Variants in BACE2 observed in about 807,000 individuals in gnomAD.
The protein encoded by BACE2 is beta-secretase 2, also known as 56 kDa aspartic-like protease.
In BACE2, 17 loss-of-function variants were observed where a neutral mutation model predicts 46.2. The observed-to-expected ratio is 0.37, with a 90% CI of 0.25 to 0.55. The LOEUF is 0.55. BACE2 is among the 20% of genes least tolerant of loss of function. The probability of loss-of-function intolerance (pLI) is 0.82; values close to 1 mark genes in which losing one functional copy is unlikely to be tolerated. For missense variants in BACE2, 595 were observed against 698.1 expected, an observed-to-expected ratio of 0.85 and a Z score of 1.66; for synonymous variants, 277 against 295.9, an observed-to-expected ratio of 0.94 and a Z score of 0.66.
At chr21:41,266,630 G>C (rs1988074607) in intron 8 of BACE2, among the ~76,000 whole-genome samples, 1 of 152,254 alleles carries the variant, frequency 6.6e-6, no homozygotes, top group Non-Finnish European at 1.5e-5. Flanking sequence ...TAGCCCCTGA[G>C]CTGAGCCAGG....
intron 8 of BACE2, among the ~76,000 whole-genome samples, chr21:41,270,733 T>C (rs1021980298): frequency 2.6e-5 from 4 of 152,236 alleles, no homozygotes; most frequent in Non-Finnish European, 5.9e-5. Context: ...GTCCAGAATA[T>C]AGTCTATCAC....
At chr21:41,194,881 C>T (rs1456868806) in intron 1 of BACE2, among the ~76,000 whole-genome samples, 1 of 152,194 alleles carries the variant, frequency 6.6e-6, no homozygotes, top group Non-Finnish European at 1.5e-5. Context: ...TGGCAGGACA[C>T]ATCTGAAAGT....
chr21:41,192,853 A>G (rs116404974), intron 1 of BACE2, among the ~76,000 whole-genome samples: 2,041 of 152,350 alleles, frequency 0.013, 47 homozygotes, highest in African/African-American at 0.047. Context: ...CGAAATCCAG[A>G]TAGGCATTGT....
rs375656084 is a variant in BACE2, at chr21:41,244,751, T to C, written c.883-1211T>C. The stretch of plus-strand genomic sequence containing the variant: ...TCTGAGAAACTAAAGATTATAAAAA[T>C]GATGGTCGCTTCTATTGCAAATCTG... On this transcript the variant is annotated intron_variant, in intron 5 of 8. Transcript: ENST00000330333. 3.3e-5 allele frequency among the ~76,000 whole-genome samples: 5 copies of C among 152,320 alleles called. No homozygotes were observed. The South Asian group carries it at 6.2e-4, about 19-fold the overall frequency.
intron 2 of BACE2, among the ~76,000 whole-genome samples, chr21:41,234,512 T>C (rs1048919978): frequency 1.3e-5 from 2 of 152,236 alleles, no homozygotes; most frequent in Non-Finnish European, 2.9e-5. Flanking sequence ...TGAGTAGTTA[T>C]CACAGAGATC....
At chr21:41,224,246 G>A (rs1391636461) in intron 1 of BACE2, among the ~76,000 whole-genome samples, 2 of 123,492 alleles carry the variant, frequency 1.6e-5, no homozygotes, top group East Asian at 2.2e-4. Flanking sequence ...ATGGAGTATC[G>A]TTCTGTCACC....
At chr21:41,212,957 T>G (rs1986345905) in intron 1 of BACE2, among the ~76,000 whole-genome samples, 1 of 152,232 alleles carries the variant, frequency 6.6e-6, no homozygotes, top group Admixed American at 6.5e-5. Flanking sequence ...AAATTAATTC[T>G]TTGCACACAT....
intron 8 of BACE2, among the ~76,000 whole-genome samples, chr21:41,264,003 A>G (rs1418233282): frequency 6.6e-6 from 1 of 152,074 alleles, no homozygotes; most frequent in Non-Finnish European, 1.5e-5. Flanking sequence ...CTCATTATTT[A>G]TTTCAGGTCC....
chr21:41,172,307 G>A (rs1601235243), intron 1 of BACE2, among the ~76,000 whole-genome samples: 2 of 152,208 alleles, frequency 1.3e-5, no homozygotes, highest in African/African-American at 4.8e-5. Context: ...AGGAGGGACA[G>A]GAGTCTGAGA....
At chr21:41,175,580 C>G (rs1467655319) in intron 1 of BACE2, 1 of 151,730 alleles carries the variant, frequency 6.6e-6, no homozygotes, top group Admixed American at 6.6e-5. Context: ...CAAACCCCCA[C>G]CAGACTGGTG....
intron 6 of BACE2, among the ~76,000 whole-genome samples, chr21:41,248,459 C>G (rs73366495): frequency 0.014 from 2,162 of 152,326 alleles, 41 homozygotes; most frequent in African/African-American, 0.049. Flanking sequence ...CATCTGAGCT[C>G]TGTACCCCGT....
At chr21:41,185,440 G>C (rs1249740107) in intron 1 of BACE2, among the ~76,000 whole-genome samples, 1 of 152,206 alleles carries the variant, frequency 6.6e-6, no homozygotes, top group Non-Finnish European at 1.5e-5. Flanking sequence ...ACCACTGTAG[G>C]TGGCTGACTG....
At chr21:41,262,186 G>C (rs1987955549) in intron 8 of BACE2, among the ~76,000 whole-genome samples, 2 of 152,190 alleles carry the variant, frequency 1.3e-5, no homozygotes, top group Non-Finnish European at 2.9e-5. Context: ...TTCTCTTGTA[G>C]AATGTATCAT....
chr21:41,247,973 G>A (rs1379273046), intron 6 of BACE2, among the ~76,000 whole-genome samples: 2 of 152,148 alleles, frequency 1.3e-5, no homozygotes, highest in African/African-American at 2.4e-5. Context: ...GGGAGGGCTG[G>A]CTTCAGAGAG....
chr21:41,224,468 C>T (rs1164949687), intron 1 of BACE2, among the ~76,000 whole-genome samples: 1 of 152,140 alleles, frequency 6.6e-6, no homozygotes, highest in Middle Eastern at 3.2e-3. Flanking sequence ...GGATTACAGG[C>T]GTGAGCCACT....
chr21:41,265,742 T>C (rs969630630), intron 8 of BACE2, among the ~76,000 whole-genome samples: 7 of 152,228 alleles, frequency 4.6e-5, no homozygotes, highest in East Asian at 3.8e-4. Context: ...TCTGTCTCAA[T>C]TGTACATTTT....
intron 1 of BACE2, among the ~76,000 whole-genome samples, chr21:41,169,706 A>G (rs1467743976): frequency 6.6e-6 from 1 of 152,230 alleles, no homozygotes; most frequent in Non-Finnish European, 1.5e-5. Context: ...ATTCTTTTAA[A>G]AAAGGAAACT....
At chr21:41,265,809 A>G (rs1442961858) in intron 8 of BACE2, among the ~76,000 whole-genome samples, 2 of 152,132 alleles carry the variant, frequency 1.3e-5, no homozygotes, top group East Asian at 3.9e-4. Context: ...GTATATTTAA[A>G]TAGTTTGATA....
intron 1 of BACE2, chr21:41,177,798 C>A (rs1285777065): frequency 6.6e-6 from 1 of 152,266 alleles, no homozygotes; most frequent in African/African-American, 2.4e-5. Flanking sequence ...AGATGCCCAA[C>A]AATCTGGGTC....
Sources: gnomAD v4.1 joint callset for allele counts (sites outside exome capture counted in the v4.1 genomes callset) on GRCh38, gnomAD v4.1.1 for gene constraint, MANE v1.5 for transcripts, NCBI Gene and HGNC (gene_info 2026-07-23, HGNC 2026-07-21) for gene names.